The following C1orf94 variants were observed in gnomAD, a reference collection of about 807,000 sequenced individuals.
C1orf94 encodes chromosome 1 open reading frame 94.
A neutral mutation model predicts 53.6 loss-of-function variants in C1orf94; 45 were observed. The ratio of observed to expected loss-of-function variants is 0.84; its 90% CI spans 0.66 to 1.08. The LOEUF is 1.08. Ranked by LOEUF, C1orf94 falls within the 50% of genes least tolerant of loss-of-function variation. C1orf94 has a pLI of 0.00. For missense variants in C1orf94, 762 were observed against 738.9 expected, an observed-to-expected ratio of 1.03 and a Z score of -0.36; for synonymous variants, 304 against 296.1, an observed-to-expected ratio of 1.03 and a Z score of -0.27.
At chr1:34,183,931 C>G (rs1642347467) in intron 1 of C1orf94, among the ~76,000 whole-genome samples, 1 of 152,030 alleles carries the variant, frequency 6.6e-6, no homozygotes, top group Admixed American at 6.6e-5. Context: ...AAGCTGGGGA[C>G]AGTCTCTGAC....
rs78209321 is a variant in C1orf94 at position 34,169,130 on chromosome 1, G to A, written c.-251+1959G>A. Among the ~76,000 whole-genome samples the A allele has an allele frequency of 4.2e-3, 646 of 152,220 alleles. 19 individuals are homozygous for A. The East Asian group carries it at 0.081, about 19-fold the overall frequency. On this transcript the variant is annotated intron_variant, in intron 1 of 6. Transcript: ENST00000373374. ...CTGACATATACTCTAACTTCTCTGTGAGGAAAGGGTAAGAAAGGAAAGGGT... is the reference window on the plus strand; with the variant it reads ...CTGACATATACTCTAACTTCTCTGTAAGGAAAGGGTAAGAAAGGAAAGGGT...
In C1orf94 at chr1:34,216,870, G is replaced by A. The variant is rs547917894; in HGVS notation, c.1722-1816G>A. 2.0e-5 allele frequency among the ~76,000 whole-genome samples: 3 copies of A among 152,258 alleles called. No individual in the cohort carries two copies. In the South Asian group the frequency reaches 6.2e-4, roughly 32 times the overall value. On this transcript the variant is annotated intron_variant, in intron 6 of 6. Transcript: ENST00000488417. ...AAGGCAGGTGGATCACCTGAGGTCA[G>A]GAGTTTGAGACCAGCCTGGCCAACA...
At chr1:34,188,743 T>C (rs1642428210) in intron 1 of C1orf94, among the ~76,000 whole-genome samples, 1 of 151,916 alleles carries the variant, frequency 6.6e-6, no homozygotes, top group African/African-American at 2.4e-5. Context: ...GGGCTGGGGG[T>C]GGGGAGGCCA....
Position 34,210,424 on chromosome 1 carries a change from G to C in C1orf94, c.1525-1786G>C, listed in dbSNP as rs191587276. ...TCCAAAGAGGACACAGCATAGAGAG[G>C]CTAGTGAGAACCAAGGTATAGGCTC... On this transcript the variant is annotated intron_variant, in intron 5 of 6. Coordinates refer to ENST00000488417, the MANE Select transcript of C1orf94 (RefSeq NM_001134734.2). Among the ~76,000 whole-genome samples, 85 of 152,286 alleles carry C rather than the reference G, an allele frequency of 5.6e-4. 1 individual carries two copies. Among genetic ancestry groups the C allele is most frequent in the Non-Finnish European group, 9.7e-4 (66 of 68,026 alleles).
intron 1 of C1orf94, among the ~76,000 whole-genome samples, chr1:34,169,814 G>A (rs1458333032): frequency 6.6e-6 from 1 of 152,210 alleles, no homozygotes; most frequent in African/African-American, 2.4e-5. Flanking sequence ...TCCCAAGGGC[G>A]AGGCTATCAC....
rs921025180 is a variant in C1orf94 at position 34,177,915 on chromosome 1, C to G, written c.126C>G (p.Cys42Trp). 1 of 1,551,670 alleles carries G rather than the reference C, an allele frequency of 6.4e-7. No homozygotes were observed. Among genetic ancestry groups the G allele is most frequent in the South Asian group, 1.2e-5 (1 of 84,070 alleles). The change falls in exon 1 of 7, where the codon TGC becomes TGG. Residue 42 changes from cysteine to tryptophan, a missense_variant. Coordinates refer to ENST00000488417, the MANE Select transcript of C1orf94 (RefSeq NM_001134734.2). Reference sequence around the variant, plus strand: ...CGGCCCTGGTGGCCAAGGGCCCCTGCGCCCTGGGCCCATTCCCCAGATACA... The same window carrying G: ...CGGCCCTGGTGGCCAAGGGCCCCTGGGCCCTGGGCCCATTCCCCAGATACA... ...SSSALVAKGP[C>W]ALGPFPRYIW...
chr1:34,199,613 T>A (rs1300880872), intron 2 of C1orf94, among the ~76,000 whole-genome samples: 3 of 152,206 alleles, frequency 2.0e-5, no homozygotes, highest in African/African-American at 4.8e-5. Flanking sequence ...TCCAGACAGA[T>A]CCCGGTGCCT....
rs766079850 is a variant in C1orf94 at position 34,197,940 on chromosome 1, G to T, written c.1009+27G>T. On this transcript the variant is annotated intron_variant, in intron 2 of 6. Transcript: ENST00000488417. The surrounding 1 kb of genome is among the most constrained non-coding windows in gnomAD (Gnocchi z 4.1). Reference sequence around the variant, plus strand: ...TGAGTGGGGTTGGAACTGGGGTAGAGTGGGCCTGCAAGGAGGAGGTCCTTC... The same window carrying T: ...TGAGTGGGGTTGGAACTGGGGTAGATTGGGCCTGCAAGGAGGAGGTCCTTC... The T allele has an allele frequency of 9.5e-6, 15 of 1,586,416 alleles. No homozygotes were observed. Among genetic ancestry groups the T allele is most frequent in the Non-Finnish European group, 1.3e-5 (15 of 1,165,562 alleles).
upstream of C1orf94, among the ~76,000 whole-genome samples, chr1:34,175,190 A>ATTTT (rs10608833): frequency 7.5e-6 from 1 of 133,212 alleles, no homozygotes; most frequent in Non-Finnish European, 1.6e-5. Context: ...GCTGTATTTG[A>ATTTT]TTTTTTTTTT....
At chr1:34,181,190 A>C (rs756318556) in intron 1 of C1orf94, among the ~76,000 whole-genome samples, 1 of 152,244 alleles carries the variant, frequency 6.6e-6, no homozygotes, top group Non-Finnish European at 1.5e-5. Context: ...AGTGAAAGAC[A>C]GCAAGACAGC....
intron 1 of C1orf94, among the ~76,000 whole-genome samples, chr1:34,169,080 G>A (rs1642096410): frequency 6.6e-6 from 1 of 152,082 alleles, no homozygotes; most frequent in Non-Finnish European, 1.5e-5. Flanking sequence ...TTCATTTCTG[G>A]GAAAGAGACG....
intron 6 of C1orf94, among the ~76,000 whole-genome samples, chr1:34,216,408 GA>G (rs34525426): frequency 6.6e-6 from 1 of 152,166 alleles, no homozygotes; most frequent in African/African-American, 2.4e-5. Context: ...GTGAGGTGGG[GA>G]AAAAAATGGG....
At chr1:34,186,466 AG>A (rs1642387025) in intron 1 of C1orf94, among the ~76,000 whole-genome samples, 1 of 152,240 alleles carries the variant, frequency 6.6e-6, no homozygotes, top group Non-Finnish European at 1.5e-5. Flanking sequence ...TATATATGCC[AG>A]GAAACTTAGG....
intron 1 of C1orf94, among the ~76,000 whole-genome samples, chr1:34,195,777 TGG>T (rs897372904): frequency 1.4e-4 from 19 of 136,320 alleles, no homozygotes; most frequent in African/African-American, 2.4e-4. Flanking sequence ...TTTCTGTTCG[TGG>T]GTGTGTGTGT....
At chr1:34,191,080 C>CA (rs1642473054) in intron 1 of C1orf94, among the ~76,000 whole-genome samples, 2 of 152,138 alleles carry the variant, frequency 1.3e-5, no homozygotes, top group South Asian at 4.1e-4. Flanking sequence ...ATGGAGGTTG[C>CA]AAGTCCCAAG....
intron 1 of C1orf94, among the ~76,000 whole-genome samples, chr1:34,189,475 CA>C (rs1642445746): frequency 1.3e-5 from 2 of 152,054 alleles, no homozygotes; most frequent in Admixed American, 6.5e-5. Context: ...CAGAGGTGGC[CA>C]CCTCCCTTGC....
chr1:34,212,827 A>T (rs1385820328), intron 6 of C1orf94, among the ~76,000 whole-genome samples: 1 of 151,882 alleles, frequency 6.6e-6, no homozygotes, highest in African/African-American at 2.4e-5. Context: ...AATCTCCCCA[A>T]CATCCCATTG....
Position 34,212,223 on chromosome 1 carries a change from A to G in C1orf94, c.1538A>G (p.Asn513Ser). 1 of 1,611,830 alleles carries G rather than the reference A, an allele frequency of 6.2e-7. No homozygotes were observed. The highest frequency in any genetic ancestry group is 1.1e-5 in the South Asian group (1 of 90,740). Residue 513 changes from asparagine (N) to serine (S), a missense_variant, in exon 6 of 7, where the codon AAC becomes AGC. Asn to Ser is a conservative substitution (Grantham distance 46). Coordinates refer to ENST00000488417, the MANE Select transcript of C1orf94 (RefSeq NM_001134734.2). ...GCYSQQVMPY[N>S]PQQMGQQIFR... is the part of the protein sequence containing the mutation. ...TGTGATGTGCAGGTGATGCCATACA[A>G]CCCACAGCAGATGGGACAGCAGATC...
chr1:34,185,015 T>G (rs540944622), intron 1 of C1orf94, among the ~76,000 whole-genome samples: 1 of 152,130 alleles, frequency 6.6e-6, no homozygotes, highest in Admixed American at 6.5e-5. Context: ...TCTTTGAAAA[T>G]CTGAGAAAAA....
Sources: gnomAD v4.1 joint callset for allele counts (sites outside exome capture counted in the v4.1 genomes callset) on GRCh38, gnomAD v4.1.1 for gene constraint, Gnocchi (gnomAD v3.1) non-coding constraint, MANE v1.5 for transcripts, NCBI Gene and HGNC (gene_info 2026-07-23, HGNC 2026-07-21) for gene names.